Variants in DET1 observed in about 807,000 individuals in gnomAD.
The protein encoded by DET1 is DET1 partner of COP1 E3 ubiquitin ligase.
In DET1, 22 loss-of-function variants were observed where a neutral mutation model predicts 43.7. That is an observed-to-expected ratio of 0.50 (90% confidence interval 0.36 to 0.72). DET1 has a LOEUF of 0.72. Among genes scored for constraint, DET1 ranks in the 30% least tolerant of loss-of-function variants. The pLI, the probability that DET1 is intolerant of heterozygous loss-of-function variation, is 0.00. For missense variants in DET1, 713 were observed against 713.3 expected, an observed-to-expected ratio of 1.00 and a Z score of 0.00; for synonymous variants, 315 against 266.2, an observed-to-expected ratio of 1.18 and a Z score of -1.79.
At chr15:88,545,151 T>C (rs1250308174) in intron 1 of DET1, among the ~76,000 whole-genome samples, 1 of 152,128 alleles carries the variant, frequency 6.6e-6, no homozygotes, top group African/African-American at 2.4e-5. Flanking sequence ...AACTCGTGCT[T>C]CTCATCCTAA....
In DET1 at chr15:88,530,339, T is replaced by C. The variant is rs79009930; in HGVS notation, c.1083+284A>G. 3.8e-3 allele frequency among the ~76,000 whole-genome samples: 581 copies of C among 152,280 alleles called. 3 individuals are homozygous for C. Among genetic ancestry groups the C allele is most frequent in the African/African-American group, 0.013 (546 of 41,552 alleles). Reference sequence around the variant, plus strand: ...AGTCCAAACCTTGACCTTGTAGCATTTGGGCTTCCATCTCATGAGTACTGA... The same window carrying C: ...AGTCCAAACCTTGACCTTGTAGCATCTGGGCTTCCATCTCATGAGTACTGA... On this transcript the variant is annotated intron_variant, in intron 2 of 4. Transcript: ENST00000268148.
chr15:88,545,149 C>T (rs924562647), intron 1 of DET1, among the ~76,000 whole-genome samples: 1 of 152,040 alleles, frequency 6.6e-6, no homozygotes, highest in Admixed American at 6.5e-5. Context: ...GTAACTCGTG[C>T]TTCTCATCCT....
Position 88,519,576 on chromosome 15 carries a change from T to G in DET1, c.1272-2603A>C, listed in dbSNP as rs150130592. ...AACCCCCACAGGACCTATAATCCAC[T>G]GATTCTACCAACTTCTTCCCATCCT... is the stretch of plus-strand genomic sequence containing the variant. On this transcript the variant is annotated intron_variant, in intron 3 of 4. Transcript: ENST00000268148. Among the ~76,000 whole-genome samples the G allele has an allele frequency of 1.1e-4, 17 of 152,302 alleles. No individual in the cohort carries two copies. In the East Asian group the frequency reaches 3.3e-3, roughly 29 times the overall value.
chr15:88,523,701 G>T (rs7402681), intron 3 of DET1, among the ~76,000 whole-genome samples: 71,314 of 151,936 alleles, frequency 0.47, 17,124 homozygotes, highest in East Asian at 0.66. Context: ...TCGGCCTCCC[G>T]AGGTGCTGGG....
At chr15:88,524,775 C>A (rs1334418516) in intron 3 of DET1, among the ~76,000 whole-genome samples, 1 of 152,084 alleles carries the variant, frequency 6.6e-6, no homozygotes, top group Non-Finnish European at 1.5e-5. Flanking sequence ...GTCATCACCA[C>A]TCCCTAATCT....
chr15:88,532,101 A>C (rs867057716), intron 1 of DET1, among the ~76,000 whole-genome samples: 40 of 152,328 alleles, frequency 2.6e-4, no homozygotes, highest in African/African-American at 8.9e-4. Context: ...CACTAGTTCA[A>C]GCCCAGCCTG....
chr15:88,539,337 G>A (rs916824027), intron 1 of DET1, among the ~76,000 whole-genome samples: 6 of 151,642 alleles, frequency 4.0e-5, no homozygotes, highest in East Asian at 3.9e-4. Flanking sequence ...GATCCAAGCC[G>A]GGGGTTTATA....
At chr15:88,536,575 C>T (rs1006645775) in intron 1 of DET1, among the ~76,000 whole-genome samples, 4 of 151,750 alleles carry the variant, frequency 2.6e-5, no homozygotes, top group Non-Finnish European at 5.9e-5. Flanking sequence ...GTCAGGAGTT[C>T]GAGACCAGCC....
chr15:88,542,500 G>C (rs1043843856), intron 1 of DET1, among the ~76,000 whole-genome samples: 1 of 152,122 alleles, frequency 6.6e-6, no homozygotes, highest in Non-Finnish European at 1.5e-5. Flanking sequence ...GGTGGCTCCC[G>C]AAAATAGCCA....
chr15:88,533,852 T>TTAAAA (rs760403164), intron 1 of DET1, among the ~76,000 whole-genome samples: 4 of 39,188 alleles, frequency 1.0e-4, no homozygotes, highest in Non-Finnish European at 2.2e-4. Flanking sequence ...ACCCAATCTC[T>TTAAAA]AAAAAAAAAA....
At chr15:88,538,651 C>T (rs1467124676) in intron 1 of DET1, among the ~76,000 whole-genome samples, 3 of 152,116 alleles carry the variant, frequency 2.0e-5, no homozygotes, top group African/African-American at 7.2e-5. Flanking sequence ...ATAATGGAGG[C>T]CCCAGCGAGA....
At chr15:88,505,434 A>C (rs1300985665) in intron 7 of DET1, 1 of 152,252 alleles carries the variant, frequency 6.6e-6, no homozygotes, top group African/African-American at 2.4e-5. Flanking sequence ...TCTGTGCTTT[A>C]CTAATATCAA....
rs2056123007 is a variant in DET1, at chr15:88,504,804, T to C, written c.*2066-817A>G. 6.6e-6 allele frequency: 1 copy of C among 152,216 alleles called. No individual in the cohort carries two copies. 9.4% of individuals were successfully genotyped at this position (152,216 alleles called of 1,614,324 possible). On this transcript the variant is annotated intron_variant and NMD_transcript_variant, in intron 7 of 8. Coordinates refer to the DET1 transcript ENST00000557842. This position sits in a 1 kb window ranked among gnomAD's most constrained non-coding sequence, Gnocchi z 4.7. ...GCTTACCTGCTGTCTGGCACATTAATTTCTGCAGAAACCACAACACAGGCT... is the reference window on the plus strand; with the variant it reads ...GCTTACCTGCTGTCTGGCACATTAACTTCTGCAGAAACCACAACACAGGCT...
At chr15:88,512,108 C>T (rs2056210495), downstream of DET1, among the ~76,000 whole-genome samples, 1 of 152,200 alleles carries the variant, frequency 6.6e-6, no homozygotes. Context: ...GTAGGGACAC[C>T]TGCGGCTTGC....
At chr15:88,540,346 T>C (rs924648592) in intron 1 of DET1, among the ~76,000 whole-genome samples, 1 of 152,100 alleles carries the variant, frequency 6.6e-6, no homozygotes, top group African/African-American at 2.4e-5. Flanking sequence ...TTGTGATTTT[T>C]CTGTTCTTTC....
At chr15:88,545,493 G>C (rs7175106) in intron 1 of DET1, among the ~76,000 whole-genome samples, 65,431 of 151,956 alleles carry the variant, frequency 0.43, 15,242 homozygotes, top group East Asian at 0.65. Context: ...ACATCCCCTG[G>C]TATCAAAACA....
At chr15:88,538,392 C>A (rs2057006006) in intron 1 of DET1, among the ~76,000 whole-genome samples, 2 of 150,874 alleles carry the variant, frequency 1.3e-5, no homozygotes, top group Non-Finnish European at 2.9e-5. Context: ...AGTCATAAAG[C>A]CCCTGCACCT....
chr15:88,515,508 G>A (rs1359302313), intron 4 of DET1, among the ~76,000 whole-genome samples: 3 of 123,094 alleles, frequency 2.4e-5, no homozygotes, highest in Non-Finnish European at 3.2e-5. Flanking sequence ...CATTGCACTC[G>A]AGCCTGGGCA....
rs1002793312 is a variant in DET1 at position 88,516,613 on chromosome 15, C to T, written c.1463+169G>A. ...GAGTAGGAATAATTTAGGAGACTAG[C>T]ACCTAAATGATCACAGCTCTCACTG... On this transcript the variant is annotated intron_variant, in intron 4 of 4. Transcript: ENST00000268148. The surrounding 1 kb of genome is among the most constrained non-coding windows in gnomAD (Gnocchi z 4.4). Among the ~76,000 whole-genome samples, 2 of 152,192 alleles carry T rather than the reference C, an allele frequency of 1.3e-5. No individual in the cohort carries two copies. Among genetic ancestry groups the T allele is most frequent in the African/African-American group, 4.8e-5 (2 of 41,446 alleles).
Sources: gnomAD v4.1 joint callset for allele counts (sites outside exome capture counted in the v4.1 genomes callset) on GRCh38, gnomAD v4.1.1 for gene constraint, Gnocchi (gnomAD v3.1) non-coding constraint, MANE v1.5 for transcripts, NCBI Gene and HGNC (gene_info 2026-07-23, HGNC 2026-07-21) for gene names.